ABCB1: variants seen among roughly 807,000 people sequenced by gnomAD.
The protein encoded by ABCB1 is ATP binding cassette subfamily B member 1, also known as ATP-dependent translocase ABCB1.
Under a neutral mutation model 142.0 loss-of-function variants are expected in ABCB1, and 69 were observed. The observed-to-expected ratio is 0.49, with a 90% CI of 0.40 to 0.59. The LOEUF (loss-of-function observed/expected upper bound fraction) is 0.59. ABCB1 is among the 20% of genes least tolerant of loss of function. The pLI, the probability that ABCB1 is intolerant of heterozygous loss-of-function variation, is 0.00. For synonymous variants in ABCB1, 532 were observed against 539.2 expected, an observed-to-expected ratio of 0.99 and a Z score of 0.18; for missense variants, 1,326 against 1,554.7, an observed-to-expected ratio of 0.85 and a Z score of 2.47.
At chr7:87,608,878 T>C (rs1011001619) in intron 1 of ABCB1, among the ~76,000 whole-genome samples, 5 of 152,234 alleles carry the variant, frequency 3.3e-5, no homozygotes, top group African/African-American at 1.2e-4. Flanking sequence ...GTTGGTTAGA[T>C]CTGACTTTAC....
At chr7:87,509,915 G>A (rs1473574608) in intron 25 of ABCB1, among the ~76,000 whole-genome samples, 1 of 152,156 alleles carries the variant, frequency 6.6e-6, no homozygotes, top group African/African-American at 2.4e-5. Context: ...AAGAAGGAGG[G>A]AGAAGAGTAT....
chr7:87,576,164 T>C (rs918595794), intron 4 of ABCB1, among the ~76,000 whole-genome samples: 1 of 152,062 alleles, frequency 6.6e-6, no homozygotes, highest in Non-Finnish European at 1.5e-5. Context: ...TGATCTTTTT[T>C]TTTTTTGCTG....
rs146127516 is a variant in ABCB1 at position 87,702,142 on chromosome 7, CA to C, written c.-331+11018del. On this transcript the variant is annotated intron_variant, in intron 1 of 28. Coordinates refer to the ABCB1 transcript ENST00000265724. ...TGGGCAAAAGAGCGAGACTCTGTCT[CA>C]AAAAAAAAAAAAAAAAAAAAAAAAA... Among the ~76,000 whole-genome samples the C allele has an allele frequency of 7.6e-3, 128 of 16,762 alleles. 1 individual carries two copies. Among genetic ancestry groups the C allele is most frequent in the African/African-American group, 0.015 (83 of 5,718 alleles). 11.0% of individuals were successfully genotyped at this position (16,762 alleles called of 152,430 possible). A position where few individuals can be genotyped will look rare whatever the true frequency, so the allele number is the denominator to read the frequency against.
At chr7:87,633,862 G>A (rs749779846) in intron 1 of ABCB1, among the ~76,000 whole-genome samples, 65 of 152,150 alleles carry the variant, frequency 4.3e-4, no homozygotes, top group South Asian at 8.3e-4. Flanking sequence ...ATCCTGTTTT[G>A]TGTTGCTATA....
At chr7:87,516,730 C>G in intron 23 of ABCB1, 65 bp from the exon 24 acceptor site, 3 of 1,087,496 alleles carry the variant, frequency 2.8e-6, no homozygotes, top group Non-Finnish European at 3.7e-6. Flanking sequence ...AGCTGACACT[C>G]CTTTTTTTTT....
chr7:87,512,585 T>A (rs1404680690), intron 25 of ABCB1, among the ~76,000 whole-genome samples: 7 of 152,178 alleles, frequency 4.6e-5, no homozygotes, highest in Non-Finnish European at 1.0e-4. Flanking sequence ...TAGGGTCCAA[T>A]CCTTTCTTTA....
intron 2 of ABCB1, among the ~76,000 whole-genome samples, chr7:87,599,463 T>C (rs975772635): frequency 1.3e-5 from 2 of 152,108 alleles, no homozygotes; most frequent in Non-Finnish European, 2.9e-5. Context: ...ACAGAGCAGA[T>C]CACCAGCAGC....
At chr7:87,556,382 T>C (rs114106519) in intron 8 of ABCB1, among the ~76,000 whole-genome samples, 2,294 of 152,266 alleles carry the variant, frequency 0.015, 17 homozygotes, top group Admixed American at 0.024. Context: ...TTCTATACGA[T>C]TGAATGGAAT....
At chr7:87,615,033 G>C (rs187957456) in intron 1 of ABCB1, among the ~76,000 whole-genome samples, 1 of 152,248 alleles carries the variant, frequency 6.6e-6, no homozygotes, top group Non-Finnish European at 1.5e-5. Flanking sequence ...TTTTAGTAGA[G>C]ACGGGGTTTC....
intron 7 of ABCB1, among the ~76,000 whole-genome samples, chr7:87,563,714 G>A (rs190834163): frequency 1.7e-3 from 261 of 152,128 alleles, no homozygotes; most frequent in African/African-American, 6.1e-3. Context: ...GGCAAAAGCT[G>A]GAAGCATTCC....
intron 1 of ABCB1, among the ~76,000 whole-genome samples, chr7:87,629,515 G>A (rs746565311): frequency 5.9e-5 from 9 of 152,140 alleles, no homozygotes; most frequent in Admixed American, 2.0e-4. Flanking sequence ...TTAAGAGTGG[G>A]ACTGTGGAGG....
At chr7:87,628,635 T>A in intron 1 of ABCB1, 1 of 346,824 alleles carries the variant, frequency 2.9e-6, no homozygotes, top group Non-Finnish European at 5.0e-6. Context: ...GGAGCTCGGG[T>A]GCCAAGGGCG....
chr7:87,703,914 GTTTTTTTTTTTTTT>G (rs35797972), intron 1 of ABCB1, among the ~76,000 whole-genome samples: 1 of 42,970 alleles, frequency 2.3e-5, no homozygotes, highest in Admixed American at 3.9e-4. Flanking sequence ...TTTTTTTTTG[GTTTTTTTTTTTTTT>G]TTTTTTTTTT....
chr7:87,528,714 A>G (rs1179008334), intron 21 of ABCB1, among the ~76,000 whole-genome samples: 1 of 152,230 alleles, frequency 6.6e-6, no homozygotes, highest in Non-Finnish European at 1.5e-5. Context: ...ATTAATCAAT[A>G]AACAAATGGT....
chr7:87,603,721 A>G (rs914452329), upstream of ABCB1, among the ~76,000 whole-genome samples: 4 of 152,234 alleles, frequency 2.6e-5, no homozygotes, highest in Admixed American at 2.0e-4. Flanking sequence ...TTTCTTCTTT[A>G]GTACCTGGCT....
chr7:87,569,282 G>A (rs533839342), intron 5 of ABCB1, among the ~76,000 whole-genome samples: 12 of 147,586 alleles, frequency 8.1e-5, no homozygotes, highest in Admixed American at 1.4e-4. Context: ...GCAGTGAGCC[G>A]AGATCGCACC....
chr7:87,681,591 T>C (rs1826934833), intron 1 of ABCB1, among the ~76,000 whole-genome samples: 2 of 150,776 alleles, frequency 1.3e-5, no homozygotes, highest in East Asian at 2.0e-4. Context: ...CTAAAAATGC[T>C]AACAATCATC....
intron 1 of ABCB1, among the ~76,000 whole-genome samples, chr7:87,619,096 G>T (rs1301099813): frequency 6.6e-6 from 1 of 151,966 alleles, no homozygotes; most frequent in Non-Finnish European, 1.5e-5. Context: ...CTAATAAATG[G>T]GTGTTTTTAA....
chr7:87,585,302 T>C (rs1383737792), intron 4 of ABCB1, among the ~76,000 whole-genome samples: 1 of 152,224 alleles, frequency 6.6e-6, no homozygotes, highest in Non-Finnish European at 1.5e-5. Flanking sequence ...TTTTTCTACA[T>C]ATCTCTGCTG....
Sources: allele counts gnomAD v4.1 joint callset (sites outside exome capture counted in the v4.1 genomes callset), GRCh38; gene constraint gnomAD v4.1.1; transcripts MANE v1.5; gene names NCBI Gene and HGNC (gene_info 2026-07-23, HGNC 2026-07-21).